The following TAFA5 variants were observed in gnomAD, a reference collection of about 807,000 sequenced individuals.
TAFA5 encodes TAFA chemokine like family member 5, also known as chemokine-like protein TAFA-5.
In TAFA5, 6 loss-of-function variants were observed where a neutral mutation model predicts 15.3. That is an observed-to-expected ratio of 0.39 (90% CI 0.21 to 0.77). TAFA5 has a LOEUF of 0.77. Among genes scored for constraint, TAFA5 ranks in the 30% least tolerant of loss-of-function variants. TAFA5 has a pLI of 0.41. For synonymous variants in TAFA5, 103 were observed against 80.7 expected (o/e 1.28, Z -1.48); for missense variants, 161 against 193.1 (o/e 0.83, Z 0.98).
intron 2 of TAFA5, among the ~76,000 whole-genome samples, chr22:48,656,263 T>A (rs573122425): frequency 8.5e-5 from 13 of 152,198 alleles, no homozygotes; most frequent in African/African-American, 2.4e-4. Context: ...TCAGGAAATG[T>A]GTGAATTGAC....
chr22:48,518,326 C>T (rs1921485991), intron 1 of TAFA5, among the ~76,000 whole-genome samples: 1 of 152,168 alleles, frequency 6.6e-6, no homozygotes, highest in African/African-American at 2.4e-5. Flanking sequence ...GGCGCTCTGC[C>T]CCCCAGAATC....
chr22:48,584,768 C>G (rs1166420820), intron 1 of TAFA5, among the ~76,000 whole-genome samples: 1 of 151,084 alleles, frequency 6.6e-6, no homozygotes, highest in African/African-American at 2.4e-5. Context: ...CAACACACCA[C>G]ACACATCACA....
intron 2 of TAFA5, among the ~76,000 whole-genome samples, chr22:48,652,437 C>A (rs1039336687): frequency 6.6e-6 from 1 of 152,204 alleles, no homozygotes; most frequent in African/African-American, 2.4e-5. Context: ...GTTGTTCATA[C>A]AACATGGGGA....
At chr22:48,576,505 G>T in intron 1 of TAFA5, 1 of 1,504,020 alleles carries the variant, frequency 6.6e-7, no homozygotes, top group Non-Finnish European at 8.9e-7. Context: ...GGCGCTCTGG[G>T]CACTGGCAGG....
At chr22:48,631,704 C>T (rs1258857502) in intron 1 of TAFA5, among the ~76,000 whole-genome samples, 4 of 152,216 alleles carry the variant, frequency 2.6e-5, no homozygotes, top group African/African-American at 9.6e-5. Flanking sequence ...ACCACAGCTT[C>T]GTGGCTGGAT....
intron 2 of TAFA5, among the ~76,000 whole-genome samples, chr22:48,651,586 A>T (rs964422281): frequency 2.0e-5 from 3 of 152,066 alleles, no homozygotes; most frequent in Non-Finnish European, 2.9e-5. Flanking sequence ...TGGGAGTTTG[A>T]GGCAGGCGTG....
intron 3 of TAFA5, among the ~76,000 whole-genome samples, chr22:48,713,554 G>A (rs1487707942): frequency 1.3e-5 from 2 of 152,344 alleles, no homozygotes; most frequent in Admixed American, 1.3e-4. Context: ...CACCACCGAT[G>A]GATGATTCAC....
intron 2 of TAFA5, among the ~76,000 whole-genome samples, chr22:48,677,332 G>A (rs557780288): frequency 1.1e-4 from 16 of 152,374 alleles, no homozygotes; most frequent in South Asian, 1.0e-3. Flanking sequence ...GCCTTGGCTC[G>A]GACGTCGGTT....
intron 1 of TAFA5, among the ~76,000 whole-genome samples, chr22:48,607,834 C>T (rs1925250994): frequency 6.6e-6 from 1 of 152,150 alleles, no homozygotes; most frequent in Non-Finnish European, 1.5e-5. Flanking sequence ...AAAACTAAAA[C>T]TTTCCATTTT....
chr22:48,629,419 G>C (rs912407837), intron 1 of TAFA5, among the ~76,000 whole-genome samples: 1 of 152,198 alleles, frequency 6.6e-6, no homozygotes, highest in African/African-American at 2.4e-5. Context: ...CTGCCTCCAG[G>C]CCCCCCTCCG....
intron 1 of TAFA5, among the ~76,000 whole-genome samples, chr22:48,605,885 A>G (rs997549105): frequency 3.9e-5 from 6 of 152,168 alleles, no homozygotes; most frequent in African/African-American, 1.4e-4. Context: ...CCATGAGGGC[A>G]GGTTCCGGGG....
At chr22:48,575,213 G>C (rs1253833327) in intron 1 of TAFA5, among the ~76,000 whole-genome samples, 2 of 152,164 alleles carry the variant, frequency 1.3e-5, no homozygotes, top group East Asian at 3.9e-4. Flanking sequence ...CGCGCCAGCA[G>C]GGCCGGCTCT....
chr22:48,517,064 C>T (rs564192164), intron 1 of TAFA5, among the ~76,000 whole-genome samples: 37 of 152,190 alleles, frequency 2.4e-4, no homozygotes, highest in Admixed American at 5.2e-4. Flanking sequence ...GTTCTCGTTT[C>T]CGTCACCCCA....
At chr22:48,686,788 T>C (rs1928368510) in intron 2 of TAFA5, among the ~76,000 whole-genome samples, 1 of 143,126 alleles carries the variant, frequency 7.0e-6, no homozygotes, top group African/African-American at 2.9e-5. Flanking sequence ...GGATGGATGG[T>C]AGACAAGTGG....
At chr22:48,703,278 T>C (rs2147247921) in intron 2 of TAFA5, among the ~76,000 whole-genome samples, 1 of 152,254 alleles carries the variant, frequency 6.6e-6, no homozygotes, top group Non-Finnish European at 1.5e-5. Context: ...AGCTACAGCA[T>C]AGGCAGGGCT....
chr22:48,588,657 G>C (rs944613214), intron 1 of TAFA5, among the ~76,000 whole-genome samples: 1 of 152,184 alleles, frequency 6.6e-6, no homozygotes, highest in South Asian at 2.1e-4. Context: ...CTGCGGGGAT[G>C]GGGGCACGAT....
In TAFA5 at chr22:48,598,491, C is replaced by T. The variant is rs1362917328; in HGVS notation, c.113-48106C>T. Among the ~76,000 whole-genome samples, 3 of 152,114 alleles carry T rather than the reference C, an allele frequency of 2.0e-5. No homozygotes were observed. The highest frequency in any genetic ancestry group is 2.9e-5 in the Non-Finnish European group (2 of 68,024). On this transcript the variant is annotated intron_variant, in intron 1 of 3. Coordinates refer to ENST00000402357, the MANE Select transcript of TAFA5 (RefSeq NM_001082967.3). The surrounding 1 kb of genome is among the most constrained non-coding windows in gnomAD (Gnocchi z 4.0). ...AGGAAGGGACGTCTCCTCCTGGTGC[C>T]ACCTCCTGGGAGAGTGGCCATTTCG...
intron 1 of TAFA5, among the ~76,000 whole-genome samples, chr22:48,492,940 T>C (rs1459853023): frequency 6.6e-6 from 1 of 152,222 alleles, no homozygotes; most frequent in East Asian, 1.9e-4. Context: ...GAAGTCTGTC[T>C]GCCTAGATGT....
intron 1 of TAFA5, among the ~76,000 whole-genome samples, chr22:48,532,444 T>C (rs887253661): frequency 1.3e-5 from 2 of 152,252 alleles, no homozygotes; most frequent in African/African-American, 4.8e-5. Flanking sequence ...GCTGTTCATG[T>C]ACCCAGCAAG....
Sources: allele counts gnomAD v4.1 joint callset (sites outside exome capture counted in the v4.1 genomes callset), GRCh38; gene constraint gnomAD v4.1.1; non-coding constraint Gnocchi (gnomAD v3.1); transcripts MANE v1.5; gene names NCBI Gene and HGNC (gene_info 2026-07-23, HGNC 2026-07-21).